SEMA6D: variants seen among roughly 807,000 people sequenced by gnomAD.
SEMA6D encodes the protein semaphorin 6D.
A neutral mutation model predicts 106.6 loss-of-function variants in SEMA6D; 35 were observed. That is an observed-to-expected ratio of 0.33 (90% confidence interval 0.25 to 0.44). The LOEUF is 0.44. SEMA6D is among the 20% of genes least tolerant of loss of function. The probability of loss-of-function intolerance (pLI) is 1.00; values close to 1 mark genes in which losing one functional copy is unlikely to be tolerated. For missense variants in SEMA6D, 1,185 were observed against 1,345.9 expected (o/e 0.88, Z 1.87); for synonymous variants, 499 against 487.7 (o/e 1.02, Z -0.31).
chr15:47,286,002 C>G (rs987488989), intron 1 of SEMA6D, among the ~76,000 whole-genome samples: 1 of 152,192 alleles, frequency 6.6e-6, no homozygotes, highest in East Asian at 1.9e-4. Context: ...AACAACCAAG[C>G]TAGGCTTATG....
chr15:47,452,200 A>T (rs1021173359), intron 2 of SEMA6D, among the ~76,000 whole-genome samples: 2 of 152,010 alleles, frequency 1.3e-5, no homozygotes, highest in Admixed American at 6.6e-5. Context: ...CTCACTAATG[A>T]TAATAACGAT....
At chr15:47,330,864 A>G (rs552221965) in intron 1 of SEMA6D, among the ~76,000 whole-genome samples, 2 of 151,932 alleles carry the variant, frequency 1.3e-5, no homozygotes, top group South Asian at 2.1e-4. Context: ...CGCTGCTTAT[A>G]GGACATGAGG....
intron 4 of SEMA6D, among the ~76,000 whole-genome samples, chr15:47,701,252 AAAAC>A (rs1017330734): frequency 3.4e-4 from 52 of 152,344 alleles, no homozygotes; most frequent in African/African-American, 1.2e-3. Flanking sequence ...CAATAATAAG[AAAAC>A]AAACAACCCA....
intron 1 of SEMA6D, among the ~76,000 whole-genome samples, chr15:47,373,145 G>C (rs2039334442): frequency 6.6e-6 from 1 of 152,104 alleles, no homozygotes; most frequent in South Asian, 2.1e-4. Flanking sequence ...ATAATCAAGG[G>C]GTGAATAACC....
chr15:47,539,088 T>C (rs2045273400), intron 3 of SEMA6D, among the ~76,000 whole-genome samples: 1 of 152,178 alleles, frequency 6.6e-6, no homozygotes, highest in Non-Finnish European at 1.5e-5. Flanking sequence ...CCGGACAAGG[T>C]GTTAGAAAGC....
At chr15:47,533,011 A>G (rs1379773868) in intron 3 of SEMA6D, among the ~76,000 whole-genome samples, 2 of 152,168 alleles carry the variant, frequency 1.3e-5, no homozygotes, top group African/African-American at 2.4e-5. Flanking sequence ...GAAACAGCCC[A>G]TCTTCCATGG....
intron 1 of SEMA6D, among the ~76,000 whole-genome samples, chr15:47,332,727 A>G (rs531994719): frequency 3.7e-4 from 56 of 152,330 alleles, no homozygotes; most frequent in African/African-American, 1.3e-3. Context: ...TAAGAGCCTT[A>G]TCTGCCAGAT....
At chr15:47,435,011 A>C (rs1183736096) in intron 2 of SEMA6D, among the ~76,000 whole-genome samples, 1 of 152,182 alleles carries the variant, frequency 6.6e-6, no homozygotes, top group Non-Finnish European at 1.5e-5. Context: ...TAAATGTTAA[A>C]AATAAATCAC....
At chr15:47,740,082 G>A (rs1382678066) in intron 1 of SEMA6D, among the ~76,000 whole-genome samples, 1 of 152,132 alleles carries the variant, frequency 6.6e-6, no homozygotes, top group Admixed American at 6.5e-5. Context: ...TTTTCCATTG[G>A]TTTATATGAG....
In SEMA6D at chr15:47,454,947, C is replaced by T. The variant is rs556563365; in HGVS notation, c.-158-15527C>T. On this transcript the variant is annotated intron_variant, in intron 2 of 19. Coordinates refer to the SEMA6D transcript ENST00000558014. ...GGGCATGCTAACTGGATCCTGTAGG[C>T]GTTGATTTTCCACTCTATGATAGAA... 3.4e-4 allele frequency among the ~76,000 whole-genome samples: 51 copies of T among 151,868 alleles called. No homozygotes were observed. In the South Asian group the frequency reaches 9.5e-3, roughly 28 times the overall value.
chr15:47,248,269 A>G (rs1595538189), intron 1 of SEMA6D, among the ~76,000 whole-genome samples: 1 of 152,332 alleles, frequency 6.6e-6, no homozygotes, highest in East Asian at 1.9e-4. Context: ...ATTAAAAACT[A>G]TTCAGGAAAG....
chr15:47,759,175 C>T (rs1459382517), intron 1 of SEMA6D, among the ~76,000 whole-genome samples: 1 of 152,072 alleles, frequency 6.6e-6, no homozygotes, highest in African/African-American at 2.4e-5. Context: ...ATTGTCTCCA[C>T]GTTGGTCGTA....
chr15:47,318,700 C>A (rs534470994), intron 1 of SEMA6D, among the ~76,000 whole-genome samples: 3 of 121,638 alleles, frequency 2.5e-5, no homozygotes, highest in African/African-American at 9.0e-5. Context: ...CAAGTCTTTG[C>A]TATTGTGAAT....
chr15:47,764,006 G>T lies in SEMA6D; in HGVS notation c.904G>T (p.Asp302Tyr). Residue 302 changes from aspartate (D) to tyrosine (Y), a missense_variant, in exon 10 of 19, where the codon GAC becomes TAC. Asp to Tyr is a radical substitution (Grantham distance 160). This residue lies in a region of SEMA6D where 291 missense variants were observed against 423.8 expected (regional missense o/e 0.69). Transcript: ENST00000536845. ...FYFDVLQSIT[D>Y]IIQINGIPTV... Reference sequence around the variant, plus strand: ...CTTTGATGTTCTGCAGTCTATTACAGACATAATACAAATCAATGGCATCCC... The same window carrying T: ...CTTTGATGTTCTGCAGTCTATTACATACATAATACAAATCAATGGCATCCC... 1.2e-6 allele frequency: 2 copies of T among 1,613,912 alleles called. No homozygotes were observed. The highest frequency in any genetic ancestry group is 1.7e-6 in the Non-Finnish European group (2 of 1,179,866).
At chr15:47,551,656 G>C (rs1185891570) in intron 3 of SEMA6D, among the ~76,000 whole-genome samples, 1 of 59,562 alleles carries the variant, frequency 1.7e-5, no homozygotes, top group Non-Finnish European at 3.9e-5. Flanking sequence ...CTCCATCGAA[G>C]TCTAACATCT....
chr15:47,654,165 GTTTAA>G (rs2077747237), intron 4 of SEMA6D, among the ~76,000 whole-genome samples: 1 of 152,162 alleles, frequency 6.6e-6, no homozygotes, highest in African/African-American at 2.4e-5. Context: ...TCCTCTTTTA[GTTTAA>G]TTCAGTGGTG....
At chr15:47,381,532 G>T (rs2039641403) in intron 1 of SEMA6D, among the ~76,000 whole-genome samples, 1 of 152,154 alleles carries the variant, frequency 6.6e-6, no homozygotes, top group South Asian at 2.1e-4. Context: ...TTCCAATAAA[G>T]ATCAATGGGA....
At chr15:47,186,961 T>C (rs1327623003) in intron 1 of SEMA6D, among the ~76,000 whole-genome samples, 2 of 152,126 alleles carry the variant, frequency 1.3e-5, no homozygotes, top group Non-Finnish European at 2.9e-5. Flanking sequence ...TGCATGACTT[T>C]AAAATATGTT....
chr15:47,405,431 C>G (rs866869989), intron 1 of SEMA6D, among the ~76,000 whole-genome samples: 2 of 152,076 alleles, frequency 1.3e-5, no homozygotes, highest in African/African-American at 2.4e-5. Context: ...TCCACTACCC[C>G]CCAAACCCAT....
Sources: allele counts gnomAD v4.1 joint callset (sites outside exome capture counted in the v4.1 genomes callset), GRCh38; gene constraint gnomAD v4.1.1; regional missense constraint gnomAD v4.1.1; transcripts MANE v1.5; gene names NCBI Gene and HGNC (gene_info 2026-07-23, HGNC 2026-07-21).